The following ATXN8OS variants were observed in gnomAD, a reference collection of about 807,000 sequenced individuals.
ATXN8OS encodes the protein ATXN8 opposite strand lncRNA.
chr13:70,164,820 G>T (rs75517585), intron 4 of ATXN8OS, among the ~76,000 whole-genome samples: 12,659 of 151,862 alleles, frequency 0.083, 675 homozygotes, highest in Non-Finnish European at 0.099. Flanking sequence ...GAAAATGATT[G>T]CTCCATGATG....
At chr13:70,156,630 G>C (rs1053564375) in intron 4 of ATXN8OS, among the ~76,000 whole-genome samples, 3 of 151,974 alleles carry the variant, frequency 2.0e-5, no homozygotes, top group African/African-American at 7.2e-5. Context: ...ACTTGAGCCA[G>C]TGAAATAAAT....
intron 1 of ATXN8OS, among the ~76,000 whole-genome samples, chr13:70,114,839 T>G (rs1443873759): frequency 6.6e-6 from 1 of 152,112 alleles, no homozygotes; most frequent in Non-Finnish European, 1.5e-5. Context: ...TTTTCTTATA[T>G]TAATTGTTTT....
chr13:70,132,259 A>G (rs9572381), intron 3 of ATXN8OS, among the ~76,000 whole-genome samples: 36,168 of 151,632 alleles, frequency 0.24, 4,528 homozygotes, highest in Admixed American at 0.3. Flanking sequence ...AAAATGTGGC[A>G]TATATATACC....
intron 2 of ATXN8OS, among the ~76,000 whole-genome samples, chr13:70,127,088 A>G (rs965114982): frequency 6.6e-6 from 1 of 151,820 alleles, no homozygotes; most frequent in African/African-American, 2.4e-5. Flanking sequence ...TTTCCATCTC[A>G]GAGAGACAGA....
At chr13:70,140,142 A>T (rs1227969616) in intron 3 of ATXN8OS, among the ~76,000 whole-genome samples, 1 of 152,132 alleles carries the variant, frequency 6.6e-6, no homozygotes, top group South Asian at 2.1e-4. Flanking sequence ...GTAGAAACTG[A>T]TGGAGTTAGT....
chr13:70,166,100 T>C (rs1889072655), intron 4 of ATXN8OS, among the ~76,000 whole-genome samples: 2 of 152,066 alleles, frequency 1.3e-5, no homozygotes, highest in Non-Finnish European at 2.9e-5. Flanking sequence ...AGCACATGAA[T>C]ATCTCATTAA....
chr13:70,157,483 C>A (rs903441417), intron 4 of ATXN8OS, among the ~76,000 whole-genome samples: 3 of 135,274 alleles, frequency 2.2e-5, no homozygotes, highest in Admixed American at 7.7e-5. Flanking sequence ...AGAAGACAGC[C>A]AATTAACTGG....
chr13:70,134,871 G>A (rs1888588159), intron 3 of ATXN8OS, among the ~76,000 whole-genome samples: 1 of 152,106 alleles, frequency 6.6e-6, no homozygotes, highest in African/African-American at 2.4e-5. Context: ...ACACATGCTT[G>A]GCCTGGATAA....
At chr13:70,115,708 A>G (rs952788580) in intron 2 of ATXN8OS, among the ~76,000 whole-genome samples, 4 of 152,154 alleles carry the variant, frequency 2.6e-5, no homozygotes, top group African/African-American at 9.7e-5. Context: ...TATCATAATG[A>G]GAAATGGATA....
chr13:70,111,817 C>T (rs1041641444), intron 1 of ATXN8OS, among the ~76,000 whole-genome samples: 1 of 152,132 alleles, frequency 6.6e-6, no homozygotes, highest in Non-Finnish European at 1.5e-5. Flanking sequence ...TAATACTCAA[C>T]AAAAACATTT....
intron 4 of ATXN8OS, among the ~76,000 whole-genome samples, chr13:70,151,414 A>G (rs920874957): frequency 1.3e-5 from 2 of 152,086 alleles, no homozygotes; most frequent in Admixed American, 6.6e-5. Context: ...GGCTTATTTC[A>G]CGCAACATAA....
At chr13:70,143,607 C>A (rs1306144806) in intron 3 of ATXN8OS, among the ~76,000 whole-genome samples, 1 of 152,130 alleles carries the variant, frequency 6.6e-6, no homozygotes, top group East Asian at 1.9e-4. Context: ...ATGTGTGTAC[C>A]TGTGCTTAAT....
At chr13:70,143,612 CTTAA>C (rs1328667035) in intron 3 of ATXN8OS, among the ~76,000 whole-genome samples, 2 of 152,104 alleles carry the variant, frequency 1.3e-5, no homozygotes, top group Non-Finnish European at 2.9e-5. Flanking sequence ...TGTACCTGTG[CTTAA>C]TTAGAGAGAA....
chr13:70,125,751 T>C (rs1163851562), intron 2 of ATXN8OS, among the ~76,000 whole-genome samples: 1 of 152,182 alleles, frequency 6.6e-6, no homozygotes, highest in Non-Finnish European at 1.5e-5. Context: ...TATCAATCAG[T>C]TGCAGATATT....
intron 4 of ATXN8OS, among the ~76,000 whole-genome samples, chr13:70,165,181 G>A (rs974540943): frequency 4.0e-5 from 6 of 151,778 alleles, no homozygotes; most frequent in African/African-American, 1.4e-4. Context: ...AAGTTATCAG[G>A]AAAACGAAAG....
chr13:70,116,777 T>C (rs527939807), intron 2 of ATXN8OS, among the ~76,000 whole-genome samples: 1 of 152,228 alleles, frequency 6.6e-6, no homozygotes, highest in African/African-American at 2.4e-5. Context: ...GACTATAGAA[T>C]AAAGAATCTA....
In ATXN8OS at chr13:70,146,010, T is replaced by C. The variant is rs1225013521; in HGVS notation, n.500-1345T>C. Among the ~76,000 whole-genome samples the C allele has an allele frequency of 3.6e-3, 499 of 138,994 alleles. 3 individuals carry two copies. The highest frequency in any genetic ancestry group is 0.013 in the African/African-American group (475 of 37,434). 91.2% of individuals were successfully genotyped at this position (138,994 alleles called of 152,430 possible). ...ATGGGAGAAAATTTTCACAACCTACTCATCTGACAAAGGGCTAATATCCAG... is the reference window on the plus strand; with the variant it reads ...ATGGGAGAAAATTTTCACAACCTACCCATCTGACAAAGGGCTAATATCCAG... On this transcript the variant is annotated intron_variant and non_coding_transcript_variant, in intron 3 of 4. Coordinates refer to ENST00000678624, the Ensembl canonical transcript of ATXN8OS.
At chr13:70,164,700 T>C (rs974493040) in intron 4 of ATXN8OS, among the ~76,000 whole-genome samples, 5 of 151,920 alleles carry the variant, frequency 3.3e-5, no homozygotes, top group Admixed American at 2.6e-4. Flanking sequence ...AAAAGCAAGA[T>C]TGGGAATGAA....
At chr13:70,131,310 G>C (rs11841483) in intron 3 of ATXN8OS, 214,606 of 398,156 alleles carry the variant, frequency 0.54, 58,675 homozygotes, top group African/African-American at 0.7. Flanking sequence ...AAATGCTACA[G>C]ATGTCCCCTA....
Sources: allele counts gnomAD v4.1 joint callset (sites outside exome capture counted in the v4.1 genomes callset), GRCh38; gene constraint gnomAD v4.1.1; transcripts MANE v1.5; gene names NCBI Gene and HGNC (gene_info 2026-07-23, HGNC 2026-07-21).